PTPN14: variants seen among roughly 807,000 people sequenced by gnomAD.
The protein encoded by PTPN14 is tyrosine-protein phosphatase non-receptor type 14.
PTPN14 carries 53 observed loss-of-function variants against 126.8 expected under a neutral mutation model. The ratio of observed to expected loss-of-function variants is 0.42; its 90% confidence interval spans 0.34 to 0.53. PTPN14 has a LOEUF of 0.53. PTPN14 is among the 20% of genes least tolerant of loss of function. PTPN14 has a pLI of 0.08. For missense variants in PTPN14, 1,257 were observed against 1,552.9 expected (o/e 0.81, Z 3.20); for synonymous variants, 630 against 599.3 (o/e 1.05, Z -0.75).
intron 1 of PTPN14, among the ~76,000 whole-genome samples, chr1:214,527,474 C>T (rs1315279983): frequency 6.6e-6 from 1 of 152,052 alleles, no homozygotes; most frequent in Non-Finnish European, 1.5e-5. Flanking sequence ...ATTTAATCAC[C>T]CTAACCATTA....
intron 15 of PTPN14, among the ~76,000 whole-genome samples, chr1:214,374,188 A>C (rs1417177681): frequency 6.6e-6 from 1 of 152,236 alleles, no homozygotes; most frequent in Admixed American, 6.5e-5. Context: ...TGAAGTAATC[A>C]TTGTTTGAAA....
At chr1:214,545,996 G>C (rs1286367336) in intron 1 of PTPN14, among the ~76,000 whole-genome samples, 2 of 152,148 alleles carry the variant, frequency 1.3e-5, no homozygotes, top group African/African-American at 2.4e-5. Context: ...AACCTGGCTA[G>C]GGATACGAGG....
intron 1 of PTPN14, among the ~76,000 whole-genome samples, chr1:214,545,966 T>A (rs1042405830): frequency 3.3e-5 from 5 of 152,014 alleles, no homozygotes; most frequent in Admixed American, 6.6e-5. Flanking sequence ...CATGGAAACA[T>A]CTAATTAGTG....
intron 2 of PTPN14, among the ~76,000 whole-genome samples, chr1:214,460,524 A>AACACACACACACACACACAC (rs10522279): frequency 2.0e-4 from 27 of 132,666 alleles, no homozygotes; most frequent in African/African-American, 8.1e-4. Flanking sequence ...TGAAAATTCC[A>AACACACACACACACACACAC]ACACACACAC....
intron 18 of PTPN14, among the ~76,000 whole-genome samples, chr1:214,362,515 C>T (rs1209412149): frequency 6.6e-6 from 1 of 152,196 alleles, no homozygotes; most frequent in African/African-American, 2.4e-5. Context: ...CAAACTGTTC[C>T]GGATTTGATA....
At chr1:214,400,513 A>G (rs913577752) in intron 7 of PTPN14, among the ~76,000 whole-genome samples, 5 of 152,210 alleles carry the variant, frequency 3.3e-5, no homozygotes, top group Non-Finnish European at 7.3e-5. Context: ...AGATTTCAAC[A>G]TGACCTCAAC....
intron 1 of PTPN14, among the ~76,000 whole-genome samples, chr1:214,511,278 A>T (rs1654966991): frequency 6.6e-6 from 1 of 152,178 alleles, no homozygotes; most frequent in Non-Finnish European, 1.5e-5. Flanking sequence ...CCCGTACTAC[A>T]AAAGGTACTA....
At chr1:214,366,087 A>G (rs1658073548) in intron 17 of PTPN14, among the ~76,000 whole-genome samples, 1 of 152,188 alleles carries the variant, frequency 6.6e-6, no homozygotes, top group Non-Finnish European at 1.5e-5. Flanking sequence ...CTGAGACAGG[A>G]GAATTGCTTA....
intron 1 of PTPN14, among the ~76,000 whole-genome samples, chr1:214,525,753 C>T (rs938591506): frequency 2.2e-4 from 34 of 152,072 alleles, no homozygotes; most frequent in Non-Finnish European, 4.3e-4. Context: ...AAGTAACTTG[C>T]CTAAAACCAA....
At chr1:214,490,710 G>A (rs559418224) in intron 1 of PTPN14, among the ~76,000 whole-genome samples, 3 of 150,858 alleles carry the variant, frequency 2.0e-5, no homozygotes, top group Non-Finnish European at 4.4e-5. Context: ...GGTGGTGCGC[G>A]CCTGTAATCC....
At chr1:214,517,919 TG>T (rs1390428026) in intron 1 of PTPN14, among the ~76,000 whole-genome samples, 5 of 152,146 alleles carry the variant, frequency 3.3e-5, no homozygotes, top group African/African-American at 1.2e-4. Flanking sequence ...CACTCCAGCC[TG>T]GGTGACAGAG....
intron 12 of PTPN14, among the ~76,000 whole-genome samples, chr1:214,386,383 C>A (rs1368932663): frequency 1.3e-5 from 2 of 152,068 alleles, no homozygotes; most frequent in African/African-American, 4.8e-5. Context: ...AGCAAGTGTA[C>A]CAAGAAAGGG....
At chr1:214,422,399 C>T (rs1012466595) in intron 3 of PTPN14, among the ~76,000 whole-genome samples, 13 of 152,118 alleles carry the variant, frequency 8.5e-5, no homozygotes, top group South Asian at 4.2e-4. Context: ...CCATGCTAAC[C>T]GGCCAACCAA....
rs148014930 is a variant in PTPN14 at position 214,503,895 on chromosome 1, C to T, written c.-154-38938G>A. On this transcript the variant is annotated intron_variant, in intron 1 of 18. Transcript: ENST00000366956. ...TCAAAGGTGAGTCTCTGAGCTTCCA[C>T]AGTAAGGACAAGCCTAGAGCAAATG... Among the ~76,000 whole-genome samples the T allele has an allele frequency of 5.4e-4, 83 of 152,326 alleles. 3 individuals are homozygous for T. The East Asian group carries it at 0.015, about 28-fold the overall frequency.
In PTPN14 at chr1:214,443,054, C is replaced by T. The variant is rs559554663; in HGVS notation, c.344+8751G>A. Among the ~76,000 whole-genome samples, 310 of 152,200 alleles carry T rather than the reference C, an allele frequency of 2.0e-3. 1 individual carries two copies. The highest frequency in any genetic ancestry group is 7.3e-3 in the African/African-American group (302 of 41,528). ...GTCAGACTGGTCTCGAACTCCCGAC[C>T]TCAAGTGATCCACCCGCCTCAGCCT... is the stretch of plus-strand genomic sequence containing the variant. On this transcript the variant is annotated intron_variant, in intron 3 of 18. Coordinates refer to ENST00000366956, the MANE Select transcript of PTPN14 (RefSeq NM_005401.5).
At chr1:214,532,480 G>T in intron 1 of PTPN14, 1 of 858,086 alleles carries the variant, frequency 1.2e-6, no homozygotes, top group East Asian at 2.5e-5. Flanking sequence ...AGACTGAGGA[G>T]CCTGGAGATC....
At chr1:214,507,975 T>C (rs1654883148) in intron 1 of PTPN14, among the ~76,000 whole-genome samples, 1 of 151,900 alleles carries the variant, frequency 6.6e-6, no homozygotes, top group South Asian at 2.1e-4. Flanking sequence ...CTGCGCAACA[T>C]AATGAGACTC....
chr1:214,472,247 A>G (rs1660775554), intron 1 of PTPN14, among the ~76,000 whole-genome samples: 1 of 151,882 alleles, frequency 6.6e-6, no homozygotes, highest in African/African-American at 2.4e-5. Flanking sequence ...TATCCTCAGG[A>G]TACTGAGTTC....
chr1:214,461,167 A>C (rs10864099), intron 2 of PTPN14, among the ~76,000 whole-genome samples: 40,321 of 152,066 alleles, frequency 0.27, 6,297 homozygotes, highest in Non-Finnish European at 0.34. Context: ...TTATCTAATA[A>C]AATTTAGTGG....
Sources: gnomAD v4.1 joint callset for allele counts (sites outside exome capture counted in the v4.1 genomes callset) on GRCh38, gnomAD v4.1.1 for gene constraint, MANE v1.5 for transcripts, NCBI Gene and HGNC (gene_info 2026-07-23, HGNC 2026-07-21) for gene names.